Variants in PLCH2 observed in about 807,000 individuals in gnomAD.
PLCH2 encodes the protein 1-phosphatidylinositol 4,5-bisphosphate phosphodiesterase eta-2.
PLCH2 carries 98 observed loss-of-function variants against 134.7 expected under a neutral mutation model. The ratio of observed to expected loss-of-function variants is 0.73; its 90% CI spans 0.62 to 0.86. The LOEUF is 0.86. Ranked by LOEUF, PLCH2 falls within the 40% of genes least tolerant of loss-of-function variation. The probability of loss-of-function intolerance (pLI) is 0.00; values close to 1 mark genes in which losing one functional copy is unlikely to be tolerated. For missense variants in PLCH2, 1,994 were observed against 1,986.6 expected, an observed-to-expected ratio of 1.00 and a Z score of -0.07; for synonymous variants, 974 against 827.5, an observed-to-expected ratio of 1.18 and a Z score of -3.04.
chr1:2,502,546 C>A (rs190731502), intron 21 of PLCH2, 137 bp downstream of exon 21: 10 of 959,224 alleles, frequency 1.0e-5, no homozygotes, highest in Non-Finnish European at 1.6e-5. Flanking sequence ...GCGTGAACAC[C>A]GGGGGCCTGC....
Position 2,476,674 on chromosome 1 carries a change from G to T in PLCH2, c.86G>T (p.Ser29Ile), listed in dbSNP as rs755304998. The T allele has an allele frequency of 1.9e-6, 3 of 1,610,862 alleles. No individual in the cohort carries two copies. Among genetic ancestry groups the T allele is most frequent in the South Asian group, 2.2e-5 (2 of 90,862 alleles). Residue 29 changes from serine to isoleucine, a missense_variant, in exon 1 of 22, where the codon AGT becomes ATT. By Grantham distance (142) the Ser-to-Ile change is moderately radical. Transcript: ENST00000378486. ...GAGGTACTCCTCTGGGTTGGAGGGA[G>T]TGTGGTGCTGTCTTCAGAGTGGCAG... ...LAEVLLWVGGSVVLSSEWQLG... is the reference protein window; with the variant it reads ...LAEVLLWVGGIVVLSSEWQLG...
chr1:2,472,861 C>A (rs559863949), upstream of PLCH2, among the ~76,000 whole-genome samples: 1 of 152,118 alleles, frequency 6.6e-6, no homozygotes, highest in African/African-American at 2.4e-5. Context: ...AGTCCCCATG[C>A]CCCTGTCGTG....
intron 9 of PLCH2, 58 bp downstream of exon 9, chr1:2,489,436 G>A: frequency 6.4e-7 from 1 of 1,564,214 alleles, no homozygotes; most frequent in Non-Finnish European, 8.8e-7. Flanking sequence ...GCCTGCAGCA[G>A]TGCCCTGCTC....
At chr1:2,466,278 C>T (rs964856152), upstream of PLCH2, among the ~76,000 whole-genome samples, 1 of 152,168 alleles carries the variant, frequency 6.6e-6, no homozygotes, top group Non-Finnish European at 1.5e-5. Flanking sequence ...CTGGCTGTGC[C>T]GAATGGGTCG....
chr1:2,466,451 T>C (rs1641060011), upstream of PLCH2, among the ~76,000 whole-genome samples: 1 of 152,128 alleles, frequency 6.6e-6, no homozygotes, highest in South Asian at 2.1e-4. Flanking sequence ...AGGACCCAGG[T>C]GGTGACTGCA....
At chr1:2,452,700 C>A (rs534192858) in intron 2 of PLCH2, among the ~76,000 whole-genome samples, 64 of 152,328 alleles carry the variant, frequency 4.2e-4, no homozygotes, top group African/African-American at 1.4e-3. Flanking sequence ...TAGGGTTCCC[C>A]AACCAGAGGC....
rs80048393 is a variant in PLCH2, at chr1:2,488,971, C to G, written c.1236-236C>G. ...CTTATTGGGGAAAGCAGCTCATGCTCTCTTTACCAGTCCCTAAGATTCTCC... is the reference window on the plus strand; with the variant it reads ...CTTATTGGGGAAAGCAGCTCATGCTGTCTTTACCAGTCCCTAAGATTCTCC... On this transcript the variant is annotated intron_variant, in intron 8 of 21. Coordinates refer to ENST00000378486, the MANE Select transcript of PLCH2 (RefSeq NM_014638.4). 8.7e-3 allele frequency among the ~76,000 whole-genome samples: 1,324 copies of G among 152,290 alleles called. 5 individuals are homozygous for G. Among genetic ancestry groups the G allele is most frequent in the Non-Finnish European group, 0.01 (710 of 68,022 alleles).
intron 2 of PLCH2, 57 bp from the exon 3 acceptor site, chr1:2,479,677 A>G (rs1641843379): frequency 6.7e-7 from 1 of 1,495,030 alleles, no homozygotes; most frequent in East Asian, 2.5e-5. Context: ...TGGGGCTGCC[A>G]GCAGGGGGAC....
upstream of PLCH2, among the ~76,000 whole-genome samples, chr1:2,465,668 C>A (rs543564252): frequency 6.6e-6 from 1 of 152,358 alleles, no homozygotes; most frequent in East Asian, 1.9e-4. Context: ...TTTAGGAGAT[C>A]AGAATCTTAA....
chr1:2,459,568 G>A (rs61763914), intron 2 of PLCH2, among the ~76,000 whole-genome samples: 1 of 125,736 alleles, frequency 8.0e-6, no homozygotes, highest in Non-Finnish European at 1.7e-5. Context: ...GGTCCTCCTT[G>A]CCGGTGGTCC....
intron 11 of PLCH2, among the ~76,000 whole-genome samples, chr1:2,491,840 C>T (rs1642602113): frequency 6.6e-6 from 1 of 151,822 alleles, no homozygotes; most frequent in South Asian, 2.1e-4. Flanking sequence ...CCCTACAGAC[C>T]CTCCACAGGG....
intron 1 of PLCH2, among the ~76,000 whole-genome samples, chr1:2,477,825 C>T (rs888658716): frequency 1.3e-5 from 2 of 152,186 alleles, no homozygotes; most frequent in Admixed American, 1.3e-4. Flanking sequence ...CCATTCGTGG[C>T]GCTTGTTGCA....
At chr1:2,466,673 G>T (rs998530430), upstream of PLCH2, among the ~76,000 whole-genome samples, 2 of 152,232 alleles carry the variant, frequency 1.3e-5, no homozygotes, top group Non-Finnish European at 2.9e-5. Flanking sequence ...AAGGCCCCTT[G>T]GGGCAGAGGT....
intron 1 of PLCH2, among the ~76,000 whole-genome samples, chr1:2,468,278 C>T (rs1445699058): frequency 6.6e-6 from 1 of 152,248 alleles, no homozygotes; most frequent in African/African-American, 2.4e-5. Context: ...TGGAGTTACA[C>T]TCTGGTCTGG....
intron 2 of PLCH2, among the ~76,000 whole-genome samples, chr1:2,452,248 C>T (rs185634716): frequency 8.5e-5 from 13 of 152,332 alleles, no homozygotes; most frequent in African/African-American, 2.2e-4. Context: ...GGGAGCAATC[C>T]GGAGGTTCTC....
At chr1:2,477,833 G>C (rs971596130) in intron 1 of PLCH2, among the ~76,000 whole-genome samples, 1 of 152,228 alleles carries the variant, frequency 6.6e-6, no homozygotes, top group Non-Finnish European at 1.5e-5. Flanking sequence ...GGCGCTTGTT[G>C]CACATGAGGG....
chr1:2,483,769 G>A lies in PLCH2; in HGVS notation c.646-679G>A, dbSNP rs542685570. Among the ~76,000 whole-genome samples the A allele has an allele frequency of 7.0e-4, 88 of 126,114 alleles. 3 individuals are homozygous for A. Among genetic ancestry groups the A allele is most frequent in the Non-Finnish European group, 1.2e-3 (69 of 56,704 alleles). The allele number at this position is 126,114 out of a possible 152,430, so 82.7% of individuals were successfully genotyped here. ...GTGTGTTGTTGACCCCCGTTTGGGG[G>A]GGCGCTGACCCCCGTTTGGGGGGGC... On this transcript the variant is annotated intron_variant, in intron 4 of 21. Coordinates refer to ENST00000378486, the MANE Select transcript of PLCH2 (RefSeq NM_014638.4).
In PLCH2 at chr1:2,448,192, G is replaced by T. The variant is rs1640028545; in HGVS notation, c.115+17563G>T. Among the ~76,000 whole-genome samples the T allele has an allele frequency of 1.3e-5, 2 of 152,220 alleles. No homozygotes were observed. The highest frequency in any genetic ancestry group is 4.1e-4 in the South Asian group (2 of 4,828). On this transcript the variant is annotated intron_variant, in intron 2 of 3. Coordinates refer to the PLCH2 transcript ENST00000609981. The surrounding 1 kb of genome is among the most constrained non-coding windows in gnomAD (Gnocchi z 4.0). ...GTCTGGAGCACCACGACATGGAGGG[G>T]TGTGTTTCCTGCAGCTGCTGGGACC... is the stretch of plus-strand genomic sequence containing the variant.
At chr1:2,463,665 A>G (rs1004267758), upstream of PLCH2, among the ~76,000 whole-genome samples, 2 of 152,164 alleles carry the variant, frequency 1.3e-5, no homozygotes, top group East Asian at 3.9e-4. Flanking sequence ...ACCCGAGAAC[A>G]GGGCTCCTAG....
Sources: allele counts gnomAD v4.1 joint callset (sites outside exome capture counted in the v4.1 genomes callset), GRCh38; gene constraint gnomAD v4.1.1; non-coding constraint Gnocchi (gnomAD v3.1); transcripts MANE v1.5; gene names NCBI Gene and HGNC (gene_info 2026-07-23, HGNC 2026-07-21).